The following SOX6 variants were observed in gnomAD, a reference collection of about 807,000 sequenced individuals.
SOX6 encodes the protein transcription factor SOX-6.
Under a neutral mutation model 97.8 loss-of-function variants are expected in SOX6, and 11 were observed. The observed-to-expected ratio is 0.11, with a 90% CI of 0.07 to 0.19. The LOEUF (loss-of-function observed/expected upper bound fraction) is 0.19, where lower values mean the gene tolerates loss of function less well. Among genes scored for constraint, SOX6 ranks in the 10% least tolerant of loss-of-function variants. The probability of loss-of-function intolerance (pLI) is 1.00; values close to 1 mark genes in which losing one functional copy is unlikely to be tolerated. For synonymous variants in SOX6, 360 were observed against 371.4 expected, an observed-to-expected ratio of 0.97 and a Z score of 0.35; for missense variants, 810 against 1,039.5, an observed-to-expected ratio of 0.78 and a Z score of 3.04.
At chr11:16,234,392 G>A (rs1337387149) in intron 4 of SOX6, among the ~76,000 whole-genome samples, 190 bp downstream of exon 4, 2 of 152,044 alleles carry the variant, frequency 1.3e-5, no homozygotes, top group Non-Finnish European at 2.9e-5. Context: ...ACAAAAAGTG[G>A]GGAAATTTTT....
chr11:16,480,023 A>G (rs1860315564), upstream of SOX6, among the ~76,000 whole-genome samples: 1 of 152,126 alleles, frequency 6.6e-6, no homozygotes, highest in African/African-American at 2.4e-5. Flanking sequence ...AAATCATTAT[A>G]TAAATCTATA....
intron 2 of SOX6, among the ~76,000 whole-genome samples, chr11:16,330,393 A>C (rs1856251323): frequency 6.6e-6 from 1 of 152,086 alleles, no homozygotes; most frequent in Admixed American, 6.6e-5. Flanking sequence ...GTCTCCACCA[A>C]AAATACAAAA....
intron 3 of SOX6, among the ~76,000 whole-genome samples, chr11:16,665,442 ACTC>A (rs1564863436): frequency 6.6e-6 from 1 of 151,774 alleles, no homozygotes; most frequent in African/African-American, 2.4e-5. Flanking sequence ...ATGGGGAAAA[ACTC>A]CTCTGCTTGT....
intron 1 of SOX6, among the ~76,000 whole-genome samples, chr11:16,454,847 T>A (rs929644148): frequency 2.0e-5 from 3 of 152,140 alleles, no homozygotes; most frequent in East Asian, 3.8e-4. Context: ...ATCTGCTATT[T>A]AAAACATACT....
intron 13 of SOX6, among the ~76,000 whole-genome samples, chr11:16,002,670 G>A (rs930159507): frequency 2.6e-5 from 4 of 152,208 alleles, no homozygotes; most frequent in African/African-American, 9.6e-5. Context: ...GCAATAACAA[G>A]TTCTGGCTTC....
intron 4 of SOX6, among the ~76,000 whole-genome samples, chr11:16,609,178 T>C (rs1848369522): frequency 6.6e-6 from 1 of 152,106 alleles, no homozygotes; most frequent in African/African-American, 2.4e-5. Context: ...AAAAGATAGA[T>C]GAGAAAACTA....
chr11:16,233,768 G>T (rs557237741), intron 4 of SOX6, among the ~76,000 whole-genome samples: 1 of 152,128 alleles, frequency 6.6e-6, no homozygotes, highest in Non-Finnish European at 1.5e-5. Flanking sequence ...CTAGCAATTT[G>T]GGAGGCCAAG....
chr11:16,678,017 A>C, intron 3 of SOX6, among the ~76,000 whole-genome samples: 1 of 152,168 alleles, frequency 6.6e-6, no homozygotes, highest in South Asian at 2.1e-4. Flanking sequence ...GTATCTGTAG[A>C]ATATTCATGT....
chr11:16,466,858 G>A (rs1299273886), intron 1 of SOX6, among the ~76,000 whole-genome samples: 1 of 146,736 alleles, frequency 6.8e-6, no homozygotes, highest in East Asian at 2.0e-4. Flanking sequence ...GTGAACCCGG[G>A]AGGCGGAGCT....
chr11:16,293,708 C>T (rs1194943738), intron 3 of SOX6, among the ~76,000 whole-genome samples: 2 of 152,030 alleles, frequency 1.3e-5, no homozygotes, highest in Non-Finnish European at 2.9e-5. Flanking sequence ...CAGGTCTAAG[C>T]ACAGTTCCAC....
intron 4 of SOX6, 30 bp from the exon 5 acceptor site, chr11:16,186,985 A>T: frequency 1.2e-6 from 2 of 1,612,940 alleles, no homozygotes; most frequent in Non-Finnish European, 1.7e-6. Flanking sequence ...AGATCTCACA[A>T]GCTTGAGAAA....
intron 3 of SOX6, among the ~76,000 whole-genome samples, chr11:16,711,415 TG>T (rs75147196): frequency 3.7e-5 from 4 of 107,734 alleles, no homozygotes; most frequent in African/African-American, 1.1e-4. Flanking sequence ...TCCCAGCTAC[TG>T]GGGGGTGGAG....
intron 12 of SOX6, among the ~76,000 whole-genome samples, chr11:16,037,735 T>G (rs1049056312): frequency 2.6e-5 from 4 of 152,172 alleles, no homozygotes; most frequent in African/African-American, 9.7e-5. Flanking sequence ...CTCTTGCACA[T>G]CTCTCTAAAG....
At chr11:16,618,253 C>T (rs940090135) in intron 3 of SOX6, among the ~76,000 whole-genome samples, 1 of 151,876 alleles carries the variant, frequency 6.6e-6, no homozygotes, top group East Asian at 1.9e-4. Context: ...TCTTTTATTG[C>T]ACATTTCAAT....
At chr11:16,115,927 A>C (rs967686313) in intron 6 of SOX6, among the ~76,000 whole-genome samples, 2 of 152,166 alleles carry the variant, frequency 1.3e-5, no homozygotes, top group Non-Finnish European at 2.9e-5. Flanking sequence ...TACAGAACAC[A>C]CTGATCTCAG....
intron 6 of SOX6, among the ~76,000 whole-genome samples, chr11:16,118,860 A>T (rs564479697): frequency 6.6e-6 from 1 of 152,318 alleles, no homozygotes; most frequent in South Asian, 2.1e-4. Flanking sequence ...GTTTTTAAAT[A>T]CTTTATCTCT....
At chr11:16,631,181 T>C (rs1029267832) in intron 3 of SOX6, among the ~76,000 whole-genome samples, 6 of 151,426 alleles carry the variant, frequency 4.0e-5, no homozygotes, top group Non-Finnish European at 5.9e-5. Context: ...ATAAGGTCTT[T>C]AGGCTATGTA....
intron 4 of SOX6, among the ~76,000 whole-genome samples, chr11:16,509,978 G>A (rs948042037): frequency 9.2e-5 from 14 of 151,856 alleles, no homozygotes; most frequent in South Asian, 4.2e-4. Flanking sequence ...TGGCTTTTAC[G>A]AATATCTCTT....
chr11:16,679,683 G>A (rs573444248), intron 3 of SOX6, among the ~76,000 whole-genome samples: 17 of 152,260 alleles, frequency 1.1e-4, no homozygotes, highest in Middle Eastern at 6.8e-3. Flanking sequence ...CTTAAGGAGC[G>A]TGTTCTAACC....
Sources: allele counts gnomAD v4.1 joint callset (sites outside exome capture counted in the v4.1 genomes callset), GRCh38; gene constraint gnomAD v4.1.1; transcripts MANE v1.5; gene names NCBI Gene and HGNC (gene_info 2026-07-23, HGNC 2026-07-21).